EPS15: variants seen among roughly 807,000 people sequenced by gnomAD.
EPS15 encodes the protein epidermal growth factor receptor substrate 15.
In EPS15, 72 loss-of-function variants were observed where a neutral mutation model predicts 113.8. That is an observed-to-expected ratio of 0.63 (90% CI 0.52 to 0.77). The LOEUF (loss-of-function observed/expected upper bound fraction) is 0.77. EPS15 is among the 30% of genes least tolerant of loss of function. The pLI is 0.00. For missense variants in EPS15, 1,048 were observed against 1,045.8 expected, an observed-to-expected ratio of 1.00 and a Z score of -0.03; for synonymous variants, 344 against 363.4, an observed-to-expected ratio of 0.95 and a Z score of 0.61.
chr1:51,383,333 G>A (rs1041298039), intron 21 of EPS15, among the ~76,000 whole-genome samples: 4 of 152,150 alleles, frequency 2.6e-5, no homozygotes, highest in Non-Finnish European at 1.5e-5. Context: ...ACAAGGATGC[G>A]TGCTCTTACC....
intron 1 of EPS15, among the ~76,000 whole-genome samples, chr1:51,512,824 G>A (rs535007750): frequency 6.7e-6 from 1 of 148,486 alleles, no homozygotes; most frequent in Non-Finnish European, 1.5e-5. Flanking sequence ...CAGTGTTTCT[G>A]AATGTAAATG....
intron 1 of EPS15, among the ~76,000 whole-genome samples, chr1:51,506,822 A>G (rs982251251): frequency 2.0e-5 from 3 of 149,886 alleles, no homozygotes; most frequent in Non-Finnish European, 4.4e-5. Flanking sequence ...CAGAATGTAG[A>G]GAACAAACTA....
At chr1:51,513,018 C>A (rs886472677) in intron 1 of EPS15, among the ~76,000 whole-genome samples, 1 of 151,252 alleles carries the variant, frequency 6.6e-6, no homozygotes, top group Non-Finnish European at 1.5e-5. Context: ...TTTTTTTTGT[C>A]CCAGATGGAT....
intron 13 of EPS15, among the ~76,000 whole-genome samples, chr1:51,419,505 G>A (rs1650548120): frequency 6.6e-6 from 1 of 151,984 alleles, no homozygotes; most frequent in South Asian, 2.1e-4. Flanking sequence ...AGAAAAGCAA[G>A]AACACTCAAA....
chr1:51,431,103 T>C (rs1225858285), intron 12 of EPS15, among the ~76,000 whole-genome samples: 1 of 152,118 alleles, frequency 6.6e-6, no homozygotes. Context: ...TTATTAAATG[T>C]CTACTATATT....
At chr1:51,482,385 G>C (rs1013174036) in intron 1 of EPS15, among the ~76,000 whole-genome samples, 1 of 152,080 alleles carries the variant, frequency 6.6e-6, no homozygotes, top group Non-Finnish European at 1.5e-5. Flanking sequence ...TGTCTAAAAA[G>C]AACAGCAAGA....
At chr1:51,464,424 T>G (rs1654699922) in intron 6 of EPS15, among the ~76,000 whole-genome samples, 1 of 151,968 alleles carries the variant, frequency 6.6e-6, no homozygotes, top group Non-Finnish European at 1.5e-5. Context: ...GTACTTTTAG[T>G]AGACACGGGG....
intron 12 of EPS15, among the ~76,000 whole-genome samples, chr1:51,435,279 T>C (rs1317425173): frequency 6.6e-6 from 1 of 152,096 alleles, no homozygotes; most frequent in Non-Finnish European, 1.5e-5. Context: ...CTGCAACTTC[T>C]GCCACCCAGG....
chr1:51,502,533 G>A (rs940084011), intron 1 of EPS15, among the ~76,000 whole-genome samples: 1 of 152,010 alleles, frequency 6.6e-6, no homozygotes, highest in Admixed American at 6.5e-5. Context: ...CTAGATTGGG[G>A]GAGGAAGTAA....
At chr1:51,397,120 TCCTCCTGCCTTGG>T (rs1648028699) in intron 20 of EPS15, 1 of 152,276 alleles carries the variant, frequency 6.6e-6, no homozygotes, top group Non-Finnish European at 1.5e-5. Flanking sequence ...CCTCAAGTGA[TCCTCCTGCCTTGG>T]CCTCCTGAAG....
At chr1:51,488,477 A>AAC in intron 1 of EPS15, among the ~76,000 whole-genome samples, 1 of 149,870 alleles carries the variant, frequency 6.7e-6, no homozygotes, top group Non-Finnish European at 1.5e-5. Context: ...TTTTGTAAAA[A>AAC]AAAAAAAAAA....
At chr1:51,381,192 A>T (rs1344830258) in intron 21 of EPS15, among the ~76,000 whole-genome samples, 1 of 152,218 alleles carries the variant, frequency 6.6e-6, no homozygotes, top group Non-Finnish European at 1.5e-5. Context: ...ACCCAACAAT[A>T]GCAGAATACA....
At chr1:51,423,913 A>G (rs72696108) in intron 12 of EPS15, among the ~76,000 whole-genome samples, 3,331 of 152,228 alleles carry the variant, frequency 0.022, 31 homozygotes, top group Middle Eastern at 0.034. Context: ...ATTTCTCTTC[A>G]TAATTTGGGG....
Position 51,357,421 on chromosome 1 carries a change from TATATA to T in EPS15, c.2545-580_2545-576del, listed in dbSNP as rs1226529273. Among the ~76,000 whole-genome samples the T allele has an allele frequency of 6.1e-3, 418 of 68,378 alleles. 2 individuals are homozygous for T. Among genetic ancestry groups the T allele is most frequent in the Middle Eastern group, 7.7e-3 (1 of 130 alleles). 44.9% of individuals were successfully genotyped at this position (68,378 alleles called of 152,430 possible). On this transcript the variant is annotated intron_variant, in intron 24 of 24. Coordinates refer to ENST00000371733, the MANE Select transcript of EPS15 (RefSeq NM_001981.3). ...ATATATATATATATATATATATATA[TATATA>T]TTTTTTTTTTTTAAATGTGATATAT...
At chr1:51,498,874 A>G (rs2148547735) in intron 1 of EPS15, among the ~76,000 whole-genome samples, 1 of 152,346 alleles carries the variant, frequency 6.6e-6, no homozygotes, top group East Asian at 1.9e-4. Flanking sequence ...CCAATGCAAT[A>G]GTATTAAGAG....
chr1:51,379,486 T>C (rs1438518345), intron 21 of EPS15, among the ~76,000 whole-genome samples: 2 of 152,190 alleles, frequency 1.3e-5, no homozygotes, highest in Non-Finnish European at 2.9e-5. Context: ...GGGAATATAT[T>C]GAAGGGTTCG....
intron 21 of EPS15, among the ~76,000 whole-genome samples, chr1:51,381,479 G>C (rs1045738731): frequency 6.6e-6 from 1 of 152,038 alleles, no homozygotes; most frequent in African/African-American, 2.4e-5. Context: ...TATAGTCCCA[G>C]CTACTTGTGA....
chr1:51,468,822 A>G (rs1363053335), intron 4 of EPS15, among the ~76,000 whole-genome samples: 1 of 152,178 alleles, frequency 6.6e-6, no homozygotes, highest in Non-Finnish European at 1.5e-5. Context: ...CATACAGAAT[A>G]CTCATGTTTA....
At chr1:51,508,246 G>GAAAAGAAAAGA (rs753176134) in intron 1 of EPS15, among the ~76,000 whole-genome samples, 17 of 58,796 alleles carry the variant, frequency 2.9e-4, no homozygotes, top group Non-Finnish European at 5.5e-4. Flanking sequence ...AAGAAAGAGA[G>GAAAAGAAAAGA]AAAGAGAGAG....
Sources: gnomAD v4.1 joint callset for allele counts (sites outside exome capture counted in the v4.1 genomes callset) on GRCh38, gnomAD v4.1.1 for gene constraint, MANE v1.5 for transcripts, NCBI Gene and HGNC (gene_info 2026-07-23, HGNC 2026-07-21) for gene names.